PDIA5: variants seen among roughly 807,000 people sequenced by gnomAD.
The protein encoded by PDIA5 is protein disulfide-isomerase A5.
Under a neutral mutation model 77.6 loss-of-function variants are expected in PDIA5, and 58 were observed. The ratio of observed to expected loss-of-function variants is 0.75; its 90% CI spans 0.61 to 0.93. The LOEUF is 0.93. Among genes scored for constraint, PDIA5 ranks in the 40% least tolerant of loss-of-function variants. The pLI, the probability that PDIA5 is intolerant of heterozygous loss-of-function variation, is 0.00. For synonymous variants in PDIA5, 250 were observed against 252.1 expected (o/e 0.99, Z 0.08); for missense variants, 630 against 647.7 (o/e 0.97, Z 0.30).
intron 6 of PDIA5, 128 bp downstream of exon 6, chr3:123,106,969 G>C (rs1415441035): frequency 1.4e-6 from 1 of 693,996 alleles, no homozygotes; most frequent in South Asian, 1.8e-5. Flanking sequence ...TTCCTCTAGG[G>C]AAGCTAGGCC....
intron 7 of PDIA5, among the ~76,000 whole-genome samples, chr3:123,113,156 T>TAAAGCCCA (rs1347055911): frequency 2.0e-5 from 3 of 152,228 alleles, no homozygotes; most frequent in Admixed American, 6.5e-5. Flanking sequence ...TGGGCCTCCT[T>TAAAGCCCA]TGGTATATCT....
chr3:123,101,148 G>A (rs1934581635), intron 3 of PDIA5, among the ~76,000 whole-genome samples: 1 of 152,220 alleles, frequency 6.6e-6, no homozygotes, highest in Admixed American at 6.5e-5. Context: ...TATGGAGGTA[G>A]GGGAGAAGAA....
At chr3:123,104,123 C>T (rs1934673228) in intron 5 of PDIA5, among the ~76,000 whole-genome samples, 1 of 152,188 alleles carries the variant, frequency 6.6e-6, no homozygotes, top group African/African-American at 2.4e-5. Flanking sequence ...CTTCGCCCCA[C>T]TTCTTACAAA....
At chr3:123,156,171 A>G (rs1310597424) in intron 15 of PDIA5, among the ~76,000 whole-genome samples, 4 of 152,214 alleles carry the variant, frequency 2.6e-5, no homozygotes, top group Admixed American at 1.3e-4. Context: ...TGGGGTAATG[A>G]GAACTTTACA....
At chr3:123,097,299 C>T (rs1357339942) in intron 3 of PDIA5, among the ~76,000 whole-genome samples, 1 of 152,108 alleles carries the variant, frequency 6.6e-6, no homozygotes, top group Non-Finnish European at 1.5e-5. Flanking sequence ...TGGAGTGACA[C>T]ATCCCCTTGA....
chr3:123,131,960 G>A (rs1041123043), intron 11 of PDIA5, among the ~76,000 whole-genome samples: 2 of 152,104 alleles, frequency 1.3e-5, no homozygotes, highest in Non-Finnish European at 2.9e-5. Context: ...AGTGCATGAG[G>A]ATGGTTAGTC....
In PDIA5 at chr3:123,076,698, G is replaced by A. The variant is rs932313898; in HGVS notation, c.42+9492G>A. Among the ~76,000 whole-genome samples the A allele has an allele frequency of 5.3e-5, 8 of 152,250 alleles. No homozygotes were observed. In the East Asian group the frequency reaches 5.8e-4, roughly 11 times the overall value. ...GAGCTTGGAGGCAGAGTTGATTTCC[G>A]GAGTGGGAATTCACCTGCTCTTCCT... On this transcript the variant is annotated intron_variant, in intron 1 of 16. Coordinates refer to ENST00000316218, the MANE Select transcript of PDIA5 (RefSeq NM_006810.4).
Position 123,084,520 on chromosome 3 carries a change from C to T in PDIA5, c.43-4648C>T, listed in dbSNP as rs559551300. Among the ~76,000 whole-genome samples, 102 of 152,212 alleles carry T rather than the reference C, an allele frequency of 6.7e-4. 1 individual carries two copies. In the Middle Eastern group the frequency reaches 0.01, roughly 15 times the overall value. On this transcript the variant is annotated intron_variant, in intron 1 of 16. Coordinates refer to ENST00000316218, the MANE Select transcript of PDIA5 (RefSeq NM_006810.4). ...GTTTCCTGTCTCCTCCCTCTGAGCC[C>T]GGTCCGTGGGGACTTCATTTACTTG...
chr3:123,154,886 TGGAGCTTTCA>T, intron 14 of PDIA5, 75 bp from the exon 15 acceptor site: 2 of 895,976 alleles, frequency 2.2e-6, no homozygotes, highest in Non-Finnish European at 3.8e-6. Flanking sequence ...GAGCCCTCTC[TGGAGCTTTCA>T]GGAAGGGTCC....
chr3:123,109,259 T>C (rs868111130), intron 6 of PDIA5, among the ~76,000 whole-genome samples: 1 of 152,244 alleles, frequency 6.6e-6, no homozygotes, highest in Non-Finnish European at 1.5e-5. Context: ...GAATTGCTGA[T>C]TCAATTTGTA....
intron 2 of PDIA5, among the ~76,000 whole-genome samples, chr3:123,091,709 G>A (rs836862): frequency 0.52 from 79,283 of 152,114 alleles, 22,602 homozygotes; most frequent in Middle Eastern, 0.65. Context: ...CCCTGGAGGT[G>A]CTACCAGGAC....
At chr3:123,084,062 C>G (rs1934075469) in intron 1 of PDIA5, among the ~76,000 whole-genome samples, 1 of 152,042 alleles carries the variant, frequency 6.6e-6, no homozygotes, top group South Asian at 2.1e-4. Context: ...CTCTTTGGAC[C>G]CCATCTCCCT....
At chr3:123,124,797 C>G (rs1935203313) in intron 10 of PDIA5, among the ~76,000 whole-genome samples, 1 of 152,206 alleles carries the variant, frequency 6.6e-6, no homozygotes, top group Non-Finnish European at 1.5e-5. Context: ...CACTGCAGGT[C>G]TCTCTGAAAA....
chr3:123,130,565 G>A lies in PDIA5; in HGVS notation c.859G>A (p.Asp287Asn). 6.2e-7 allele frequency: 1 copy of A among 1,614,132 alleles called. No individual in the cohort carries two copies. The highest frequency in any genetic ancestry group is 1.1e-5 in the South Asian group (1 of 91,078). The change falls in exon 11 of 17, where the codon GAC (aspartate) becomes AAC (asparagine). Residue 287 changes from aspartate (D) to asparagine (N), a missense_variant. Coordinates refer to ENST00000316218, the MANE Select transcript of PDIA5 (RefSeq NM_006810.4). ...SVYHLTDEDF[D>N]QFVKEHSSVL... ...TTATCACCTGACCGATGAAGACTTT[G>A]ACCAGTTTGTGAAGGAACACTCCTC...
chr3:123,139,299 C>G (rs1185461880), intron 11 of PDIA5, among the ~76,000 whole-genome samples: 6 of 152,304 alleles, frequency 3.9e-5, no homozygotes, highest in African/African-American at 1.4e-4. Flanking sequence ...GGCTGGTCCT[C>G]AGGTCACCGC....
chr3:123,074,074 C>T (rs956515499), intron 1 of PDIA5, among the ~76,000 whole-genome samples: 1 of 152,194 alleles, frequency 6.6e-6, no homozygotes, highest in African/African-American at 2.4e-5. Flanking sequence ...TTAGTACATG[C>T]CCCTATTTCA....
At chr3:123,113,278 A>C (rs1453037982) in intron 7 of PDIA5, among the ~76,000 whole-genome samples, 1 of 152,178 alleles carries the variant, frequency 6.6e-6, no homozygotes, top group Admixed American at 6.5e-5. Context: ...GGCAGGTCTC[A>C]GTGTGATGCC....
At chr3:123,113,755 G>A (rs1420410894) in intron 7 of PDIA5, among the ~76,000 whole-genome samples, 1 of 152,186 alleles carries the variant, frequency 6.6e-6, no homozygotes, top group African/African-American at 2.4e-5. Flanking sequence ...GTCACATGTT[G>A]GGTGAATGGG....
intron 15 of PDIA5, among the ~76,000 whole-genome samples, chr3:123,159,245 G>A (rs1936095276): frequency 6.6e-6 from 1 of 152,264 alleles, no homozygotes; most frequent in Non-Finnish European, 1.5e-5. Flanking sequence ...TGGCTGCAGG[G>A]AAGGAAAGTA....
Sources: allele counts gnomAD v4.1 joint callset (sites outside exome capture counted in the v4.1 genomes callset), GRCh38; gene constraint gnomAD v4.1.1; transcripts MANE v1.5; gene names NCBI Gene and HGNC (gene_info 2026-07-23, HGNC 2026-07-21).